The following DEFB126 variants were observed in gnomAD, a reference collection of about 807,000 sequenced individuals.
DEFB126 encodes defensin beta 126, also known as beta-defensin 126.
Under a neutral mutation model 2.5 loss-of-function variants are expected in DEFB126, and 2 were observed. The observed-to-expected ratio is 0.79, with a 90% confidence interval of 0.32 to 2.49. DEFB126 has a LOEUF of 2.49. DEFB126 is among the 30% of genes most tolerant of loss of function. The pLI is 0.11. For missense variants in DEFB126, 136 were observed against 135.4 expected (o/e 1.00, Z -0.02); for synonymous variants, 51 against 45.4 (o/e 1.12, Z -0.50).
chr20:143,188 GAA>G (rs889901807), intron 1 of DEFB126, among the ~76,000 whole-genome samples: 1 of 148,666 alleles, frequency 6.7e-6, no homozygotes, highest in Non-Finnish European at 1.5e-5. Context: ...AATGGAAAAT[GAA>G]AAAAAAAATT....
At position 145,703 on chromosome 20, in the gene DEFB126, C is replaced by T. The variant is rs376803777; in HGVS notation, c.*11C>T. ...TCTCCCACTGGTTGAACATTCCAGC[C>T]TCTGTCTCCTGCTCTAGGATCCCCG... On this transcript the variant is annotated 3_prime_UTR_variant, in exon 2 of 2. Coordinates refer to ENST00000382398, the MANE Select transcript of DEFB126 (RefSeq NM_030931.4). The T allele has an allele frequency of 1.4e-4, 231 of 1,605,868 alleles. 1 individual carries two copies. The highest frequency in any genetic ancestry group is 1.8e-4 in the Non-Finnish European group (207 of 1,177,886).
In DEFB126 at chr20:145,364, C is replaced by T. The variant is rs769611855; in HGVS notation, c.59-51C>T. 3.9e-6 allele frequency: 6 copies of T among 1,541,066 alleles called. No individual in the cohort carries two copies. The South Asian group carries it at 4.9e-5, about 12-fold the overall frequency. ...TCAAAAACTATTGCTATTTTTTATC[C>T]TCCTGTGATAAATACTTAGGCTTAA... On this transcript the variant is annotated intron_variant, in intron 1 of 1. Transcript: ENST00000382398.
At position 145,710 on chromosome 20, in the gene DEFB126, T is replaced by G; in HGVS notation, c.*18T>G. 6.2e-7 allele frequency: 1 copy of G among 1,603,574 alleles called. No individual in the cohort carries two copies. The highest frequency in any genetic ancestry group is 1.7e-5 in the Admixed American group (1 of 59,892). The stretch of plus-strand genomic sequence containing the variant: ...CTGGTTGAACATTCCAGCCTCTGTC[T>G]CCTGCTCTAGGATCCCCGACTCATT... On this transcript the variant is annotated 3_prime_UTR_variant, in exon 2 of 2. Transcript: ENST00000382398.
Position 145,564 on chromosome 20 carries a change from G to GT in DEFB126, c.212dup (p.Cys72LeufsTer?), listed in dbSNP as rs1281828699. 1.9e-6 allele frequency: 3 copies of GT among 1,613,870 alleles called. No homozygotes were observed. Among genetic ancestry groups the GT allele is most frequent in the Non-Finnish European group, 2.5e-6 (3 of 1,179,950 alleles). ...AGCTGACAGACGTGCTAATTATCCT[G>GT]TTTTCTGTGTCCAGACAAAGACTAC... On this transcript the variant is annotated frameshift_variant, in exon 2 of 2. Coordinates refer to ENST00000382398, the MANE Select transcript of DEFB126 (RefSeq NM_030931.4). LOFTEE classifies it low-confidence loss of function (END_TRUNC).
intron 1 of DEFB126, 95 bp from the exon 2 acceptor site, chr20:145,320 G>T (rs2054662584): frequency 4.1e-6 from 5 of 1,205,242 alleles, no homozygotes; most frequent in Non-Finnish European, 5.7e-6. Flanking sequence ...AACTGGAAAG[G>T]CACTTGAATA....
chr20:143,776 T>C, intron 1 of DEFB126, among the ~76,000 whole-genome samples: 1 of 152,152 alleles, frequency 6.6e-6, no homozygotes, highest in Admixed American at 6.5e-5. Context: ...TCAAACATAT[T>C]GGTTGCTTCT....
intron 1 of DEFB126, among the ~76,000 whole-genome samples, chr20:145,059 T>G (rs927960697): frequency 6.6e-6 from 1 of 152,192 alleles, no homozygotes. Flanking sequence ...AGTTTTTACT[T>G]CTGTTTAGGT....
At chr20:145,332 A>G in intron 1 of DEFB126, 83 bp from the exon 2 acceptor site, 3 of 1,350,050 alleles carry the variant, frequency 2.2e-6, no homozygotes, top group Non-Finnish European at 2.0e-6. Context: ...ACTTGAATAA[A>G]CAGTGCTCAA....
rs1213048874 is a variant in DEFB126 at position 145,487 on chromosome 20, A to T, written c.131A>T (p.His44Leu). The T allele has an allele frequency of 6.2e-7, 1 of 1,613,236 alleles. No individual in the cohort carries two copies. ...CKKKCKPEEM[H>L]VKNGWAMCGK... ...AAGAAGTGCAAACCTGAAGAGATGC[A>T]TGTAAAGAATGGTTGGGCAATGTGC... Residue 44 changes from histidine (H) to leucine (L), a missense_variant, in exon 2 of 2, where the codon CAT becomes CTT. Coordinates refer to ENST00000382398, the MANE Select transcript of DEFB126 (RefSeq NM_030931.4).
intron 1 of DEFB126, among the ~76,000 whole-genome samples, chr20:143,886 G>A (rs141204008): frequency 5.3e-5 from 8 of 152,100 alleles, no homozygotes; most frequent in East Asian, 3.9e-4. Context: ...GTCCTTCTCC[G>A]TGTTGAGAAC....
chr20:145,290 T>C, intron 1 of DEFB126, 125 bp from the exon 2 acceptor site: 4 of 864,024 alleles, frequency 4.6e-6, no homozygotes, highest in Non-Finnish European at 6.9e-6. Flanking sequence ...TATTTATGAT[T>C]AGGAAAAACA....
At chr20:144,415 T>C (rs1036148355) in intron 1 of DEFB126, among the ~76,000 whole-genome samples, 9 of 152,172 alleles carry the variant, frequency 5.9e-5, no homozygotes, top group Non-Finnish European at 1.2e-4. Context: ...ATTTCTTTCA[T>C]TTATTGTACT....
chr20:145,715 C>T lies in DEFB126; in HGVS notation c.*23C>T, dbSNP rs1766445832. ...TGAACATTCCAGCCTCTGTCTCCTG[C>T]TCTAGGATCCCCGACTCATTAAAGC... On this transcript the variant is annotated 3_prime_UTR_variant, in exon 2 of 2. Transcript: ENST00000382398. The T allele has an allele frequency of 6.2e-7, 1 of 1,600,314 alleles. No homozygotes were observed. The highest frequency in any genetic ancestry group is 1.7e-5 in the Admixed American group (1 of 59,756).
rs1168785238 is a variant in DEFB126, at chr20:145,586, C to T, written c.230C>T (p.Thr77Ile). Residue 77 changes from threonine (T) to isoleucine (I), a missense_variant, in exon 2 of 2, where the codon ACT becomes ATT. Physicochemically the swap from Thr to Ile is moderately conservative, Grantham distance 89 (BLOSUM62 -1). Coordinates refer to ENST00000382398, the MANE Select transcript of DEFB126 (RefSeq NM_030931.4). ...NYPVFCVQTK[T>I]TRISTVTATT... ...CCTGTTTTCTGTGTCCAGACAAAGA[C>T]TACAAGAATTTCAACAGTAACAGCA... The T allele has an allele frequency of 6.2e-7, 1 of 1,613,866 alleles. No individual in the cohort carries two copies. The highest frequency in any genetic ancestry group is 1.3e-5 in the African/African-American group (1 of 74,900).
chr20:145,277 A>G, intron 1 of DEFB126, 138 bp from the exon 2 acceptor site: 3 of 717,676 alleles, frequency 4.2e-6, no homozygotes, highest in Non-Finnish European at 6.7e-6. Context: ...TCCTCAAAGT[A>G]GGTATTTATG....
At position 145,448 on chromosome 20, in the gene DEFB126, T is replaced by C. The variant is rs1408641697; in HGVS notation, c.92T>C (p.Val31Ala). Reference sequence around the variant, plus strand: ...TATGTGAAAAAGTGTCTAAACGACGTTGGAATTTGCAAGAAGAAGTGCAAA... The same window carrying C: ...TATGTGAAAAAGTGTCTAAACGACGCTGGAATTTGCAAGAAGAAGTGCAAA... ...NWYVKKCLND[V>A]GICKKKCKPE... Residue 31 changes from valine (V) to alanine (A), a missense_variant, in exon 2 of 2, where the codon GTT becomes GCT. By Grantham distance (64) the Val-to-Ala change is moderately conservative. Transcript: ENST00000382398. 1 of 1,613,928 alleles carries C rather than the reference T, an allele frequency of 6.2e-7. No individual in the cohort carries two copies. Among genetic ancestry groups the C allele is most frequent in the Admixed American group, 1.7e-5 (1 of 59,982 alleles).
intron 1 of DEFB126, among the ~76,000 whole-genome samples, chr20:144,285 A>G (rs2054658911): frequency 6.6e-6 from 1 of 152,084 alleles, no homozygotes; most frequent in African/African-American, 2.4e-5. Flanking sequence ...TAACATATAC[A>G]TATATATAAT....
rs869028227 is a variant in DEFB126 at position 145,518 on chromosome 20, AC to A, written c.163del (p.Gln55LysfsTer29). The A allele has an allele frequency of 1.7e-6, 2 of 1,154,684 alleles. No individual in the cohort carries two copies. Among genetic ancestry groups the A allele is most frequent in the South Asian group, 1.6e-5 (1 of 63,026 alleles). The allele number at this position is 1,154,684 out of a possible 1,614,324, so 71.5% of individuals were successfully genotyped here. A position where few individuals can be genotyped will look rare whatever the true frequency, so the allele number is the denominator to read the frequency against. On this transcript the variant is annotated frameshift_variant, in exon 2 of 2. Transcript: ENST00000382398. LOFTEE classifies it low-confidence loss of function (END_TRUNC). ...VKNGWAMCGK[Q>X]RDCCVPADRR... ...AGAATGGTTGGGCAATGTGCGGCAA[AC>A]AAAGGGACTGCTGTGTTCCAGCTGA...
chr20:142,687 G>T lies in DEFB126; in HGVS notation c.58+1G>T. 2.5e-6 allele frequency: 4 copies of T among 1,613,668 alleles called. No individual in the cohort carries two copies. The highest frequency in any genetic ancestry group is 2.5e-6 in the Non-Finnish European group (3 of 1,179,636). On this transcript the variant is annotated splice_donor_variant, in intron 1 of 1. Transcript: ENST00000382398. LOFTEE classifies it high-confidence loss of function. ...ATGCTCCTGGCCCAATTGGTCTCAG[G>T]TAAACAGAATCTTGGGGAAGAAGAA...
Sources: gnomAD v4.1 joint callset for allele counts (sites outside exome capture counted in the v4.1 genomes callset) on GRCh38, gnomAD v4.1.1 for gene constraint, MANE v1.5 for transcripts, NCBI Gene and HGNC (gene_info 2026-07-23, HGNC 2026-07-21) for gene names.